The following ZNF544 variants were observed in gnomAD, a reference collection of about 807,000 sequenced individuals.
The protein encoded by ZNF544 is zinc finger protein AF020591.
ZNF544 carries 10 observed loss-of-function variants against 13.5 expected under a neutral mutation model. That is an observed-to-expected ratio of 0.74 (90% confidence interval 0.46 to 1.25). The LOEUF is 1.25. Ranked by LOEUF, ZNF544 falls within the 50% of genes most tolerant of loss-of-function variation. The pLI is 0.00. For synonymous variants in ZNF544, 323 were observed against 300.5 expected (o/e 1.07, Z -0.77); for missense variants, 896 against 845.6 (o/e 1.06, Z -0.74).
At chr19:58,268,479 T>C (rs2050216836), downstream of ZNF544, among the ~76,000 whole-genome samples, 1 of 152,156 alleles carries the variant, frequency 6.6e-6, no homozygotes, top group Non-Finnish European at 1.5e-5. Flanking sequence ...AACATAAATT[T>C]AATTCTCTCA....
chr19:58,249,804 T>TA (rs971380052), intron 6 of ZNF544, among the ~76,000 whole-genome samples: 1 of 152,224 alleles, frequency 6.6e-6, no homozygotes, highest in East Asian at 1.9e-4. Context: ...ATGGTGATGA[T>TA]ACTTTGGCCA....
downstream of ZNF544, among the ~76,000 whole-genome samples, chr19:58,267,391 G>T (rs542895234): frequency 6.6e-6 from 1 of 151,124 alleles, no homozygotes; most frequent in Non-Finnish European, 1.5e-5. Flanking sequence ...TTTTGTTAAC[G>T]TAAAAGTGAG....
intron 5 of ZNF544, among the ~76,000 whole-genome samples, chr19:58,270,311 T>G (rs982971788): frequency 2.0e-5 from 3 of 151,192 alleles, no homozygotes; most frequent in African/African-American, 7.3e-5. Flanking sequence ...TGGCTTTTTT[T>G]TTCTTTTTTT....
intron 3 of ZNF544, among the ~76,000 whole-genome samples, chr19:58,240,962 T>G (rs1285938042): frequency 3.3e-5 from 5 of 150,050 alleles, no homozygotes; most frequent in African/African-American, 1.2e-4. Flanking sequence ...CCTTCTCTTT[T>G]CTTTTCTTTT....
intron 6 of ZNF544, among the ~76,000 whole-genome samples, chr19:58,256,036 C>T (rs1002352717): frequency 1.3e-5 from 2 of 152,140 alleles, no homozygotes; most frequent in African/African-American, 4.8e-5. Context: ...GAAATCTTTC[C>T]GTTTCACCAG....
At chr19:58,259,433 A>T (rs1369423771) in intron 6 of ZNF544, 1 of 152,222 alleles carries the variant, frequency 6.6e-6, no homozygotes, top group Non-Finnish European at 1.5e-5. Flanking sequence ...GCTGTAAAAA[A>T]TTTCCACCAA....
chr19:58,276,408 A>G (rs1320464901), exon 6 of ZNF544: 1 of 1,231,462 alleles, frequency 8.1e-7, no homozygotes. Flanking sequence ...TCCAGTTCCC[A>G]CAGCAGCTGC....
At chr19:58,246,096 A>G (rs2045140356) in intron 4 of ZNF544, among the ~76,000 whole-genome samples, 1 of 152,206 alleles carries the variant, frequency 6.6e-6, no homozygotes, top group South Asian at 2.1e-4. Flanking sequence ...CATATGGTAG[A>G]AGGTGAACAC....
Position 58,263,247 on chromosome 19 carries a change from G to T in ZNF544, c.*493G>T. The T allele has an allele frequency of 2.1e-6, 2 of 969,008 alleles. No individual in the cohort carries two copies. Among genetic ancestry groups the T allele is most frequent in the Non-Finnish European group, 2.5e-6 (2 of 814,322 alleles). The allele number at this position is 969,008 out of a possible 1,614,324, so 60.0% of individuals were successfully genotyped here. A position where few individuals can be genotyped will look rare whatever the true frequency, so the allele number is the denominator to read the frequency against. On this transcript the variant is annotated 3_prime_UTR_variant, in exon 7 of 7. Coordinates refer to ENST00000687789, the MANE Select transcript of ZNF544 (RefSeq NM_014480.4). ...AGGCCGAGGCAGGTGGATCACTTGA[G>T]CCCAGGAGTTTGAAACCAGCCTGGG...
At chr19:58,268,521 T>C (rs1325706628), downstream of ZNF544, among the ~76,000 whole-genome samples, 4 of 152,190 alleles carry the variant, frequency 2.6e-5, no homozygotes, top group South Asian at 6.2e-4. Flanking sequence ...GCAGAAAGGG[T>C]GCTCATCACA....
At chr19:58,266,342 C>T (rs899917826), downstream of ZNF544, among the ~76,000 whole-genome samples, 3 of 151,048 alleles carry the variant, frequency 2.0e-5, no homozygotes, top group Non-Finnish European at 2.9e-5. Context: ...AGTGAAACCC[C>T]GTCTCTACTG....
chr19:58,240,087 G>A (rs1226268078), intron 3 of ZNF544, among the ~76,000 whole-genome samples: 1 of 152,042 alleles, frequency 6.6e-6, no homozygotes, highest in African/African-American at 2.4e-5. Context: ...ATTGAGGGAT[G>A]TGTTATGTAG....
chr19:58,257,333 CCAAG>C, intron 6 of ZNF544: 1 of 152,242 alleles, frequency 6.6e-6, no homozygotes, highest in South Asian at 2.1e-4. Context: ...GGGAGCAGGC[CCAAG>C]CAAGGCTCAA....
At chr19:58,251,870 T>G (rs931967305) in intron 6 of ZNF544, among the ~76,000 whole-genome samples, 1 of 152,196 alleles carries the variant, frequency 6.6e-6, no homozygotes, top group African/African-American at 2.4e-5. Flanking sequence ...GAGGTCTCCA[T>G]GCTGAATGTA....
chr19:58,264,371 G>A (rs260466), downstream of ZNF544, among the ~76,000 whole-genome samples: 5 of 139,294 alleles, frequency 3.6e-5, no homozygotes, highest in Admixed American at 7.4e-5. Context: ...GCAACAAGAG[G>A]GAAACTTCAT....
chr19:58,244,224 C>T (rs991653171), intron 4 of ZNF544, among the ~76,000 whole-genome samples, 168 bp downstream of exon 4: 1 of 152,030 alleles, frequency 6.6e-6, no homozygotes, highest in Non-Finnish European at 1.5e-5. Flanking sequence ...GCACCCGTCA[C>T]CAGCATGGAC....
chr19:58,237,027 C>A (rs1040893481), intron 3 of ZNF544, among the ~76,000 whole-genome samples: 1 of 151,514 alleles, frequency 6.6e-6, no homozygotes, highest in Admixed American at 6.6e-5. Context: ...GGAAGTGAGC[C>A]ACCACACCTG....
rs113343013 is a variant in ZNF544, at chr19:58,244,063, G to C, written c.33+7G>C. The C allele has an allele frequency of 9.2e-4, 1,471 of 1,605,852 alleles. 9 individuals are homozygous for C. In the African/African-American group the frequency reaches 0.014, roughly 15 times the overall value. ...TATGCTGGTTCCACCCCAGGTGAGT[G>C]GGGGGTCTTTGCTCTCAGTGCCTTG... On this transcript the variant is annotated splice_region_variant and intron_variant, in intron 4 of 6. Coordinates refer to ENST00000687789, the MANE Select transcript of ZNF544 (RefSeq NM_014480.4).
chr19:58,231,296 C>G (rs2041173019), intron 3 of ZNF544, among the ~76,000 whole-genome samples: 1 of 152,180 alleles, frequency 6.6e-6, no homozygotes, highest in African/African-American at 2.4e-5. Flanking sequence ...CCTTCTCACT[C>G]CCCAGCCACG....
Sources: gnomAD v4.1 joint callset for allele counts (sites outside exome capture counted in the v4.1 genomes callset) on GRCh38, gnomAD v4.1.1 for gene constraint, MANE v1.5 for transcripts, NCBI Gene and HGNC (gene_info 2026-07-23, HGNC 2026-07-21) for gene names.